The following MCTP1 variants were observed in gnomAD, a reference collection of about 807,000 sequenced individuals.
The protein encoded by MCTP1 is multiple C2 and transmembrane domain containing 1, also known as multiple C2 and transmembrane domain-containing protein 1.
A neutral mutation model predicts 120.6 loss-of-function variants in MCTP1; 69 were observed. That is an observed-to-expected ratio of 0.57 (90% CI 0.47 to 0.70). MCTP1 has a LOEUF of 0.70. Ranked by LOEUF, MCTP1 falls within the 30% of genes least tolerant of loss-of-function variation. MCTP1 has a pLI of 0.00. For missense variants in MCTP1, 1,203 were observed against 1,248.8 expected (o/e 0.96, Z 0.55); for synonymous variants, 529 against 493.1 (o/e 1.07, Z -0.96).
intron 19 of MCTP1, among the ~76,000 whole-genome samples, chr5:94,738,878 A>G (rs1048875969): frequency 2.0e-5 from 3 of 152,240 alleles, no homozygotes; most frequent in African/African-American, 7.2e-5. Context: ...CCACCAATAC[A>G]GCATTTCATT....
chr5:95,005,433 A>AT (rs1834523553), intron 2 of MCTP1, among the ~76,000 whole-genome samples: 1 of 152,002 alleles, frequency 6.6e-6, no homozygotes, highest in African/African-American at 2.4e-5. Flanking sequence ...GGGAGGGGCC[A>AT]GGGGGTGGAA....
At position 95,097,316 on chromosome 5, in the gene MCTP1, G is replaced by C. The variant is rs139592279; in HGVS notation, c.721-79832C>G. On this transcript the variant is annotated intron_variant, in intron 1 of 22. Coordinates refer to ENST00000515393, the MANE Select transcript of MCTP1 (RefSeq NM_024717.7). The stretch of plus-strand genomic sequence containing the variant: ...TGAGGACAGAGAATAGCTTGGGCTA[G>C]GATAGAAGGGCGGGTCACTTTGACA... Among the ~76,000 whole-genome samples, 1,345 of 152,350 alleles carry C rather than the reference G, an allele frequency of 8.8e-3. 7 individuals carry two copies. Among genetic ancestry groups the C allele is most frequent in the Middle Eastern group, 0.014 (4 of 294 alleles).
intron 2 of MCTP1, among the ~76,000 whole-genome samples, chr5:94,956,768 G>C (rs1398081973): frequency 1.3e-5 from 2 of 152,184 alleles, no homozygotes; most frequent in African/African-American, 4.8e-5. Context: ...ATGGGACTCT[G>C]TAAAGAGACC....
intron 19 of MCTP1, among the ~76,000 whole-genome samples, chr5:94,717,994 A>G (rs1759918403): frequency 6.6e-6 from 1 of 152,180 alleles, no homozygotes; most frequent in African/African-American, 2.4e-5. Flanking sequence ...GACCTTCTTC[A>G]CAAAATTAGA....
At chr5:95,076,421 A>G (rs554243465) in intron 1 of MCTP1, among the ~76,000 whole-genome samples, 10 of 151,374 alleles carry the variant, frequency 6.6e-5, no homozygotes, top group Admixed American at 2.0e-4. Flanking sequence ...AATTGATTTC[A>G]AGATTCACAG....
chr5:95,181,196 C>A (rs1748555192), intron 1 of MCTP1, among the ~76,000 whole-genome samples: 1 of 152,194 alleles, frequency 6.6e-6, no homozygotes, highest in Non-Finnish European at 1.5e-5. Flanking sequence ...TGTCTGGCAG[C>A]TTCTCATCAC....
chr5:94,757,811 G>C (rs1393078648), intron 19 of MCTP1, among the ~76,000 whole-genome samples: 1 of 152,132 alleles, frequency 6.6e-6, no homozygotes, highest in Non-Finnish European at 1.5e-5. Context: ...TAGTCTCCAA[G>C]GAAGAACAAA....
intron 2 of MCTP1, among the ~76,000 whole-genome samples, chr5:94,958,674 A>G (rs1371120562): frequency 6.6e-6 from 1 of 152,214 alleles, no homozygotes; most frequent in Non-Finnish European, 1.5e-5. Flanking sequence ...ATCTAGAAGA[A>G]ATGGATAAAT....
chr5:95,267,375 G>T (rs1184518700), intron 1 of MCTP1, among the ~76,000 whole-genome samples: 5 of 151,958 alleles, frequency 3.3e-5, no homozygotes, highest in Non-Finnish European at 7.4e-5. Flanking sequence ...CTCTACCTAG[G>T]CTCGGAAATG....
chr5:95,268,844 T>C (rs1287611459), intron 1 of MCTP1, among the ~76,000 whole-genome samples: 2 of 152,218 alleles, frequency 1.3e-5, no homozygotes, highest in Non-Finnish European at 2.9e-5. Flanking sequence ...TTAGCTGCAC[T>C]GAGAGGCAAA....
chr5:95,214,781 T>C (rs171641), intron 1 of MCTP1, among the ~76,000 whole-genome samples: 5 of 145,284 alleles, frequency 3.4e-5, no homozygotes, highest in Non-Finnish European at 7.4e-5. Flanking sequence ...AACCAAACAC[T>C]GCATGTTCTC....
rs1835247078 is a variant in MCTP1, at chr5:95,008,649, TG to T, written c.838+8717del. The stretch of plus-strand genomic sequence containing the variant: ...CTATGAACATAACCTTACTTGGAAA[TG>T]GGATCTTTGAAGATGTAATTAAGTT... On this transcript the variant is annotated intron_variant, in intron 2 of 22. Coordinates refer to ENST00000515393, the MANE Select transcript of MCTP1 (RefSeq NM_024717.7). Among the ~76,000 whole-genome samples the T allele has an allele frequency of 1.3e-5, 2 of 152,118 alleles. 1 individual carries two copies. Among genetic ancestry groups the T allele is most frequent in the South Asian group, 4.1e-4 (2 of 4,830 alleles).
intron 2 of MCTP1, chr5:94,976,657 C>A (rs1203322712): frequency 6.6e-6 from 1 of 151,980 alleles, no homozygotes; most frequent in African/African-American, 2.4e-5. Context: ...AGCAAACATA[C>A]AGTAAAAACA....
chr5:95,112,268 G>A (rs2152390462), intron 1 of MCTP1, among the ~76,000 whole-genome samples: 1 of 152,296 alleles, frequency 6.6e-6, no homozygotes, highest in East Asian at 1.9e-4. Context: ...AACTTCAGCA[G>A]AACTGTATCT....
chr5:95,098,357 A>T (rs1017548306), intron 1 of MCTP1, among the ~76,000 whole-genome samples: 3 of 152,162 alleles, frequency 2.0e-5, no homozygotes, highest in Admixed American at 1.3e-4. Context: ...TGCAATCTTG[A>T]TGTGTCATTT....
At chr5:95,000,099 C>G (rs1315097571) in intron 2 of MCTP1, among the ~76,000 whole-genome samples, 1 of 152,164 alleles carries the variant, frequency 6.6e-6, no homozygotes, top group Non-Finnish European at 1.5e-5. Context: ...ACAAGATTAT[C>G]ATGGACCTGA....
chr5:95,177,322 C>G (rs1169690796), intron 1 of MCTP1, among the ~76,000 whole-genome samples: 1 of 151,990 alleles, frequency 6.6e-6, no homozygotes, highest in Non-Finnish European at 1.5e-5. Flanking sequence ...TGTGCTTTTA[C>G]AAAACTCAGA....
chr5:95,123,603 T>C (rs1758395555), intron 1 of MCTP1, among the ~76,000 whole-genome samples: 1 of 152,134 alleles, frequency 6.6e-6, no homozygotes, highest in South Asian at 2.1e-4. Flanking sequence ...CAGCACAAGA[T>C]ATATACTTTG....
intron 2 of MCTP1, among the ~76,000 whole-genome samples, chr5:95,003,745 A>G (rs1404106876): frequency 3.3e-5 from 5 of 152,236 alleles, no homozygotes; most frequent in Admixed American, 3.3e-4. Flanking sequence ...TATAGGCTGC[A>G]GACCACGAGC....
Sources: allele counts gnomAD v4.1 joint callset (sites outside exome capture counted in the v4.1 genomes callset), GRCh38; gene constraint gnomAD v4.1.1; transcripts MANE v1.5; gene names NCBI Gene and HGNC (gene_info 2026-07-23, HGNC 2026-07-21).